NTRK2: variants seen among roughly 807,000 people sequenced by gnomAD.
The protein encoded by NTRK2 is BDNF/NT-3 growth factors receptor.
Under a neutral mutation model 94.5 loss-of-function variants are expected in NTRK2, and 13 were observed. That is an observed-to-expected ratio of 0.14 (90% CI 0.09 to 0.22). NTRK2 has a LOEUF of 0.22. Ranked by LOEUF, NTRK2 falls within the 10% of genes least tolerant of loss-of-function variation. NTRK2 has a pLI of 1.00. For missense variants in NTRK2, 639 were observed against 1,071.2 expected (o/e 0.60, Z 5.63); for synonymous variants, 372 against 407.4 (o/e 0.91, Z 1.05).
At chr9:84,811,336 A>T in intron 12 of NTRK2, 1 of 1,066,418 alleles carries the variant, frequency 9.4e-7, no homozygotes. Flanking sequence ...AGAAGAAAAA[A>T]AACAAGAACA....
chr9:84,670,459 G>C lies in NTRK2; in HGVS notation c.-290G>C, dbSNP rs2131261492. On this transcript the variant is annotated 5_prime_UTR_variant, in exon 2 of 19. Transcript: ENST00000277120. The stretch of plus-strand genomic sequence containing the variant: ...AGTCCCGGGAGCGCCGCCGGTCGGT[G>C]CCCGGCGCGCCGGGCCATGCAGCGA... 1 of 489,654 alleles carries C rather than the reference G, an allele frequency of 2.0e-6. No individual in the cohort carries two copies. Among genetic ancestry groups the C allele is most frequent in the Non-Finnish European group, 3.7e-6 (1 of 269,914 alleles). 30.3% of individuals were successfully genotyped at this position (489,654 alleles called of 1,614,324 possible).
intron 12 of NTRK2, among the ~76,000 whole-genome samples, chr9:84,783,644 G>A (rs1337935695): frequency 3.9e-5 from 6 of 152,304 alleles, no homozygotes; most frequent in African/African-American, 1.4e-4. Flanking sequence ...TGCAGAGTGT[G>A]AGAGTTGGGG....
chr9:84,934,899 T>G (rs1180321504), intron 15 of NTRK2, among the ~76,000 whole-genome samples: 2 of 152,194 alleles, frequency 1.3e-5, no homozygotes, highest in Admixed American at 1.3e-4. Flanking sequence ...TCCTCCATCA[T>G]AGTCACGTCC....
chr9:84,778,071 G>A (rs1303779252), intron 12 of NTRK2, among the ~76,000 whole-genome samples: 3 of 152,136 alleles, frequency 2.0e-5, no homozygotes, highest in Non-Finnish European at 4.4e-5. Flanking sequence ...AGACCAGCCT[G>A]GGCAAAATGA....
At chr9:84,952,806 CG>C (rs1408479321) in intron 16 of NTRK2, among the ~76,000 whole-genome samples, 1 of 152,172 alleles carries the variant, frequency 6.6e-6, no homozygotes, top group African/African-American at 2.4e-5. Context: ...AGCTTCCTGA[CG>C]TCTGCAGAGT....
intron 17 of NTRK2, among the ~76,000 whole-genome samples, chr9:85,012,529 G>A (rs1274721124): frequency 6.6e-6 from 1 of 152,098 alleles, no homozygotes; most frequent in Non-Finnish European, 1.5e-5. Context: ...TCACCTAAGG[G>A]TTTTGAGTCT....
In NTRK2 at chr9:84,871,268, G is replaced by T. The variant is rs80217786; in HGVS notation, c.1633+3837G>T. On this transcript the variant is annotated intron_variant, in intron 14 of 18. Coordinates refer to ENST00000277120, the MANE Select transcript of NTRK2 (RefSeq NM_006180.6). ...AGGAAAAATGATATGGGCTAGTGAGGGCCATGCTGGAGTATGGGCCTGGTA... is the reference window on the plus strand; with the variant it reads ...AGGAAAAATGATATGGGCTAGTGAGTGCCATGCTGGAGTATGGGCCTGGTA... Among the ~76,000 whole-genome samples the T allele has an allele frequency of 4.6e-3, 696 of 152,282 alleles. 12 individuals carry two copies. The highest frequency in any genetic ancestry group is 0.038 in the Admixed American group (577 of 15,290).
At chr9:84,684,642 G>A (rs774971266) in intron 2 of NTRK2, among the ~76,000 whole-genome samples, 1 of 152,186 alleles carries the variant, frequency 6.6e-6, no homozygotes, top group Non-Finnish European at 1.5e-5. Context: ...AATTAAGGCA[G>A]TACTATTTGT....
chr9:84,968,146 G>A (rs939887439), intron 17 of NTRK2, among the ~76,000 whole-genome samples: 17 of 152,116 alleles, frequency 1.1e-4, no homozygotes, highest in African/African-American at 3.6e-4. Context: ...ATAATATTCA[G>A]GGATGTGAAG....
chr9:84,791,236 C>T (rs1250383342), intron 12 of NTRK2, among the ~76,000 whole-genome samples: 3 of 152,142 alleles, frequency 2.0e-5, no homozygotes, highest in Non-Finnish European at 2.9e-5. Context: ...AAATGGATTT[C>T]CAAAGTCCTC....
chr9:84,952,744 C>T (rs1349004524), intron 16 of NTRK2, among the ~76,000 whole-genome samples: 1 of 152,140 alleles, frequency 6.6e-6, no homozygotes, highest in Non-Finnish European at 1.5e-5. Flanking sequence ...CCAGGAGTCT[C>T]CCCCAACCCA....
intron 12 of NTRK2, among the ~76,000 whole-genome samples, chr9:84,816,560 C>A (rs1467310320): frequency 3.9e-5 from 6 of 151,926 alleles, no homozygotes; most frequent in Non-Finnish European, 8.8e-5. Flanking sequence ...GCGGGCGGAT[C>A]ATGAGGTCGA....
chr9:84,677,685 C>T (rs1188377899), intron 2 of NTRK2, among the ~76,000 whole-genome samples: 2 of 152,264 alleles, frequency 1.3e-5, no homozygotes, highest in Admixed American at 6.5e-5. Flanking sequence ...CTACTCCAAC[C>T]TTGGTGCCCA....
At chr9:84,810,272 G>A in intron 12 of NTRK2, among the ~76,000 whole-genome samples, 1 of 152,190 alleles carries the variant, frequency 6.6e-6, no homozygotes, top group Admixed American at 6.5e-5. Flanking sequence ...GCTGTATGCA[G>A]AAATCCTTCG....
chr9:84,906,819 A>T (rs1185022869), intron 14 of NTRK2, among the ~76,000 whole-genome samples: 2 of 152,194 alleles, frequency 1.3e-5, no homozygotes, highest in Admixed American at 1.3e-4. Flanking sequence ...GTGCCTGTCG[A>T]TGGACAGCTT....
intron 9 of NTRK2, among the ~76,000 whole-genome samples, chr9:84,732,582 TG>T (rs2062966705): frequency 6.6e-6 from 1 of 152,204 alleles, no homozygotes; most frequent in Admixed American, 6.5e-5. Context: ...AATTGAGAAA[TG>T]GCATGTCCCA....
At chr9:84,761,869 T>A (rs1212099192) in intron 12 of NTRK2, among the ~76,000 whole-genome samples, 1 of 152,194 alleles carries the variant, frequency 6.6e-6, no homozygotes, top group Non-Finnish European at 1.5e-5. Flanking sequence ...AGTGATATGG[T>A]TTGGCTATGT....
intron 14 of NTRK2, chr9:84,872,378 G>A: frequency 1.8e-6 from 2 of 1,090,638 alleles, no homozygotes; most frequent in Non-Finnish European, 2.2e-6. Context: ...GCAGGAGTGT[G>A]TTTTATCTTC....
intron 12 of NTRK2, among the ~76,000 whole-genome samples, chr9:84,858,302 T>C (rs2075163910): frequency 6.6e-6 from 1 of 152,208 alleles, no homozygotes; most frequent in Admixed American, 6.5e-5. Context: ...AAATTAATCT[T>C]TACAATGTTA....
Sources: allele counts gnomAD v4.1 joint callset (sites outside exome capture counted in the v4.1 genomes callset), GRCh38; gene constraint gnomAD v4.1.1; transcripts MANE v1.5; gene names NCBI Gene and HGNC (gene_info 2026-07-23, HGNC 2026-07-21).